ARB2A: variants seen among roughly 807,000 people sequenced by gnomAD.
ARB2A encodes the protein ARB2 cotranscriptional regulator A, also known as cotranscriptional regulator ARB2A.
chr5:93,708,508 T>A, the ARB2A span, among the ~76,000 whole-genome samples: 40 of 152,312 alleles, frequency 2.6e-4, no homozygotes, highest in African/African-American at 9.6e-4. Context: ...CAGATCATCA[T>A]GCGTTAGATT....
the ARB2A span, among the ~76,000 whole-genome samples, chr5:93,666,171 T>C: frequency 2.6e-5 from 4 of 152,182 alleles, no homozygotes; most frequent in African/African-American, 9.7e-5. Flanking sequence ...TGATAGAAGA[T>C]TACACAAGAT....
chr5:94,025,914 G>C, the ARB2A span, among the ~76,000 whole-genome samples: 1 of 152,142 alleles, frequency 6.6e-6, no homozygotes, highest in African/African-American at 2.4e-5. Context: ...CTCTGGCATG[G>C]ATCCTGCAGC....
At chr5:93,674,852 C>T in the ARB2A span, among the ~76,000 whole-genome samples, 1 of 152,164 alleles carries the variant, frequency 6.6e-6, no homozygotes, top group Admixed American at 6.5e-5. Flanking sequence ...GACTTTAAAA[C>T]TTAATGAAGG....
chr5:93,619,637 C>T, the ARB2A span: 1 of 152,090 alleles, frequency 6.6e-6, no homozygotes, highest in Non-Finnish European at 1.5e-5. Context: ...CTATTAGAAA[C>T]AATCTTTACT....
chr5:93,691,601 T>C, the ARB2A span, among the ~76,000 whole-genome samples: 17 of 151,928 alleles, frequency 1.1e-4, no homozygotes, highest in Non-Finnish European at 1.8e-4. Context: ...TGGAAAACAC[T>C]CTTCAGGATA....
the ARB2A span, among the ~76,000 whole-genome samples, chr5:93,792,708 G>C: frequency 8.5e-6 from 1 of 116,970 alleles, no homozygotes; most frequent in East Asian, 3.0e-4. Context: ...TTGTGGGGTG[G>C]GGGGAGGGGG....
chr5:93,824,753 C>T, the ARB2A span, among the ~76,000 whole-genome samples: 18 of 152,276 alleles, frequency 1.2e-4, 1 homozygote, highest in East Asian at 3.5e-3. Context: ...GCAAAATTAC[C>T]CTTGTTTGAT....
At chr5:93,920,990 A>G in the ARB2A span, among the ~76,000 whole-genome samples, 1 of 152,092 alleles carries the variant, frequency 6.6e-6, no homozygotes, top group Non-Finnish European at 1.5e-5. Flanking sequence ...TAACACCATG[A>G]GACTCATGAA....
the ARB2A span, among the ~76,000 whole-genome samples, chr5:93,839,274 T>C: frequency 6.6e-6 from 1 of 152,224 alleles, no homozygotes; most frequent in Non-Finnish European, 1.5e-5. Context: ...ATTGAAAGGC[T>C]TTTCCGCATC....
the ARB2A span, among the ~76,000 whole-genome samples, chr5:93,668,418 T>G: frequency 3.8e-4 from 58 of 152,338 alleles, no homozygotes; most frequent in Non-Finnish European, 5.1e-4. Context: ...TTAAAGCTAT[T>G]TAATTAGTAA....
At chr5:93,719,763 C>T in the ARB2A span, among the ~76,000 whole-genome samples, 1 of 152,190 alleles carries the variant, frequency 6.6e-6, no homozygotes, top group East Asian at 1.9e-4. Flanking sequence ...TATCCATCTA[C>T]TATCTATCTC....
At chr5:94,061,195 G>A in the ARB2A span, among the ~76,000 whole-genome samples, 147 of 152,066 alleles carry the variant, frequency 9.7e-4, no homozygotes, top group African/African-American at 3.4e-3. Flanking sequence ...CCAAGACTGC[G>A]CCACTGCACT....
the ARB2A span, among the ~76,000 whole-genome samples, chr5:94,096,500 G>A: frequency 2.6e-5 from 4 of 152,294 alleles, no homozygotes; most frequent in Admixed American, 6.5e-5. Flanking sequence ...TATATCCCAA[G>A]TAGCTAGTAG....
chr5:93,774,402 T>C, the ARB2A span, among the ~76,000 whole-genome samples: 2 of 152,224 alleles, frequency 1.3e-5, no homozygotes, highest in Non-Finnish European at 2.9e-5. Context: ...AAATTTAGGC[T>C]TCTTGCACTA....
chr5:94,043,312 CTT>C, the ARB2A span, among the ~76,000 whole-genome samples: 2 of 152,138 alleles, frequency 1.3e-5, no homozygotes, highest in African/African-American at 4.8e-5. Flanking sequence ...GTCAAGAAAA[CTT>C]TTCTTTTGAG....
chr5:93,927,291 G>C, the ARB2A span, among the ~76,000 whole-genome samples: 3 of 152,158 alleles, frequency 2.0e-5, no homozygotes, highest in Non-Finnish European at 4.4e-5. Context: ...CTGGATTATA[G>C]ACTGTAGCTT....
the ARB2A span, among the ~76,000 whole-genome samples, chr5:94,019,543 A>G: frequency 5.9e-5 from 9 of 152,242 alleles, no homozygotes; most frequent in African/African-American, 2.2e-4. Flanking sequence ...AAAAAAGCTC[A>G]TCATCACTGG....
At chr5:94,073,723 T>C in the ARB2A span, among the ~76,000 whole-genome samples, 3 of 152,120 alleles carry the variant, frequency 2.0e-5, no homozygotes, top group Non-Finnish European at 2.9e-5. Flanking sequence ...ATTCTGAGCG[T>C]GCTGGATCCT....
the ARB2A span, among the ~76,000 whole-genome samples, chr5:93,661,076 T>C: frequency 6.6e-6 from 1 of 152,144 alleles, no homozygotes; most frequent in African/African-American, 2.4e-5. Context: ...AGCCAAGCAC[T>C]AGGTCAGGTA....
Sources: gnomAD v4.1 joint callset for allele counts (sites outside exome capture counted in the v4.1 genomes callset) on GRCh38, gnomAD v4.1.1 for gene constraint, MANE v1.5 for transcripts, NCBI Gene and HGNC (gene_info 2026-07-23, HGNC 2026-07-21) for gene names.